The following PHF20 variants were observed in gnomAD, a reference collection of about 807,000 sequenced individuals.
PHF20 encodes glioma-expressed antigen 2.
Under a neutral mutation model 113.5 loss-of-function variants are expected in PHF20, and 23 were observed. That is an observed-to-expected ratio of 0.20 (90% confidence interval 0.15 to 0.29). The LOEUF is 0.29. Ranked by LOEUF, PHF20 falls within the 10% of genes least tolerant of loss-of-function variation. The pLI is 1.00. For synonymous variants in PHF20, 434 were observed against 457.3 expected, an observed-to-expected ratio of 0.95 and a Z score of 0.65; for missense variants, 943 against 1,219.6, an observed-to-expected ratio of 0.77 and a Z score of 3.38.
chr20:35,850,045 G>A (rs1020364067), intron 4 of PHF20, among the ~76,000 whole-genome samples: 2 of 152,144 alleles, frequency 1.3e-5, no homozygotes, highest in Non-Finnish European at 2.9e-5. Flanking sequence ...AAGTCTGTTA[G>A]CACTCGGAAA....
intron 13 of PHF20, among the ~76,000 whole-genome samples, chr20:35,920,959 A>G (rs1358992655): frequency 6.6e-6 from 1 of 152,228 alleles, no homozygotes; most frequent in African/African-American, 2.4e-5. Context: ...AATAGTTTTG[A>G]AAGTTCAAAA....
At chr20:35,786,332 A>C (rs1277502787) in intron 1 of PHF20, among the ~76,000 whole-genome samples, 1 of 152,144 alleles carries the variant, frequency 6.6e-6, no homozygotes, top group Non-Finnish European at 1.5e-5. Flanking sequence ...TGGAGGTTCC[A>C]GTGAGCCGAG....
At chr20:35,876,566 T>C (rs1456239461) in intron 9 of PHF20, among the ~76,000 whole-genome samples, 1 of 151,998 alleles carries the variant, frequency 6.6e-6, no homozygotes, top group African/African-American at 2.4e-5. Context: ...CGAGACTCTA[T>C]CTCAAAAATA....
intron 9 of PHF20, among the ~76,000 whole-genome samples, chr20:35,892,632 G>T (rs537264768): frequency 4.2e-4 from 63 of 151,794 alleles, no homozygotes; most frequent in African/African-American, 1.5e-3. Flanking sequence ...TCTACTTCTG[G>T]AAGAATCTAC....
At chr20:35,865,429 T>A (rs2146977731) in intron 6 of PHF20, among the ~76,000 whole-genome samples, 1 of 148,738 alleles carries the variant, frequency 6.7e-6, no homozygotes, top group Admixed American at 6.7e-5. Flanking sequence ...GAGCCCAGTT[T>A]AAAAAAAAAA....
intron 9 of PHF20, among the ~76,000 whole-genome samples, chr20:35,889,067 A>AGT (rs1416197792): frequency 1.6e-5 from 2 of 126,882 alleles, no homozygotes; most frequent in Non-Finnish European, 3.1e-5. Flanking sequence ...CCTAGGCTGG[A>AGT]GTGCACTGGC....
At chr20:35,917,758 C>T in intron 13 of PHF20, 96 bp downstream of exon 13, 1 of 1,041,662 alleles carries the variant, frequency 9.6e-7, no homozygotes, top group South Asian at 1.6e-5. Flanking sequence ...ATAGCAGAGC[C>T]CCAGAAACAC....
intron 6 of PHF20, among the ~76,000 whole-genome samples, chr20:35,867,397 C>G (rs1438776866): frequency 6.6e-6 from 1 of 152,028 alleles, no homozygotes; most frequent in Non-Finnish European, 1.5e-5. Flanking sequence ...GTAGCTGGGA[C>G]TACAGGCATG....
chr20:35,845,209 T>G (rs2042601994), intron 3 of PHF20, among the ~76,000 whole-genome samples: 1 of 151,936 alleles, frequency 6.6e-6, no homozygotes, highest in South Asian at 2.1e-4. Context: ...TGTTTTTTTT[T>G]TCTGTTCCTG....
At chr20:35,903,481 A>G (rs2055142390) in intron 10 of PHF20, among the ~76,000 whole-genome samples, 2 of 152,066 alleles carry the variant, frequency 1.3e-5, no homozygotes, top group Non-Finnish European at 2.9e-5. Flanking sequence ...GTACCCTCTC[A>G]GTGAGGGCAC....
intron 9 of PHF20, among the ~76,000 whole-genome samples, chr20:35,892,036 A>AT (rs1284566267): frequency 2.0e-5 from 3 of 148,664 alleles, no homozygotes; most frequent in Non-Finnish European, 3.0e-5. Context: ...CCCCCAGCTA[A>AT]TTTTTTTTGT....
At chr20:35,787,158 ATTAT>A (rs58760101) in intron 1 of PHF20, among the ~76,000 whole-genome samples, 115,385 of 143,652 alleles carry the variant, frequency 0.8, 47,055 homozygotes, top group Non-Finnish European at 0.88. Context: ...TGCCTGGCTA[ATTAT>A]TTATTTATTT....
Position 35,899,558 on chromosome 20 carries a change from A to G in PHF20, c.1471A>G (p.Lys491Glu). ...KSLEPEESPG[K>E]RHVQTRGPSA... ...ACTGGAGCCAGAAGAGAGCCCGGGA[A>G]AGAGGCATGTCCAAACCAGGGGCCC... is the stretch of plus-strand genomic sequence containing the variant. Residue 491 changes from lysine to glutamate, a missense_variant, in exon 10 of 18, where the codon AAG (lysine) becomes GAG (glutamate). Lys to Glu is a moderately conservative substitution (Grantham distance 56). Coordinates refer to ENST00000374012, the MANE Select transcript of PHF20 (RefSeq NM_016436.5). The G allele has an allele frequency of 6.2e-7, 1 of 1,614,102 alleles. No individual in the cohort carries two copies. The highest frequency in any genetic ancestry group is 1.1e-5 in the South Asian group (1 of 91,080).
intron 10 of PHF20, among the ~76,000 whole-genome samples, chr20:35,909,920 C>A (rs2055266416): frequency 6.6e-6 from 1 of 152,018 alleles, no homozygotes; most frequent in African/African-American, 2.4e-5. Context: ...GGTGATTTCA[C>A]CTCTCTGAGC....
chr20:35,781,077 C>T (rs1476807136), intron 1 of PHF20, among the ~76,000 whole-genome samples: 4 of 151,264 alleles, frequency 2.6e-5, no homozygotes, highest in African/African-American at 9.7e-5. Context: ...GGTCTCGAAC[C>T]CCTGACCTCA....
intron 4 of PHF20, chr20:35,855,251 G>C (rs2425171): frequency 0.2 from 262,451 of 1,326,962 alleles, 30,286 homozygotes; most frequent in African/African-American, 0.41. Flanking sequence ...CCAACACCCT[G>C]ACAATATAGG....
intron 2 of PHF20, among the ~76,000 whole-genome samples, chr20:35,808,472 G>A (rs925220616): frequency 6.9e-6 from 1 of 145,118 alleles, no homozygotes; most frequent in Non-Finnish European, 1.5e-5. Flanking sequence ...TTTGCTGGAA[G>A]TTTTTTTTTT....
intron 9 of PHF20, among the ~76,000 whole-genome samples, chr20:35,894,265 A>G (rs776997608): frequency 6.6e-6 from 1 of 152,216 alleles, no homozygotes. Context: ...TCCAGAAATA[A>G]CATAAGCCTG....
At chr20:35,928,426 C>G (rs372166717) in intron 14 of PHF20, 1 of 102,716 alleles carries the variant, frequency 9.7e-6, no homozygotes, top group East Asian at 2.9e-4. Flanking sequence ...GCAACAAGAG[C>G]GAAACTTCGT....
Sources: gnomAD v4.1 joint callset for allele counts (sites outside exome capture counted in the v4.1 genomes callset) on GRCh38, gnomAD v4.1.1 for gene constraint, MANE v1.5 for transcripts, NCBI Gene and HGNC (gene_info 2026-07-23, HGNC 2026-07-21) for gene names.